The following ZNF131 variants were observed in gnomAD, a reference collection of about 807,000 sequenced individuals.
ZNF131 encodes zinc finger and BTB domain containing 35.
Under a neutral mutation model 60.0 loss-of-function variants are expected in ZNF131, and 7 were observed. The observed-to-expected ratio is 0.12, with a 90% CI of 0.07 to 0.22. The LOEUF (loss-of-function observed/expected upper bound fraction) is 0.22. Among genes scored for constraint, ZNF131 ranks in the 10% least tolerant of loss-of-function variants. The pLI, the probability that ZNF131 is intolerant of heterozygous loss-of-function variation, is 1.00. For missense variants in ZNF131, 493 were observed against 740.9 expected (o/e 0.67, Z 3.88); for synonymous variants, 257 against 253.2 (o/e 1.01, Z -0.14).
At chr5:43,123,458 T>G in intron 3 of ZNF131, 148 bp downstream of exon 3, 1 of 561,780 alleles carries the variant, frequency 1.8e-6, no homozygotes, top group South Asian at 2.9e-5. Flanking sequence ...CATCAGTAGT[T>G]CCTGTAGGTA....
chr5:43,133,099 A>C (rs1197498971), intron 3 of ZNF131, among the ~76,000 whole-genome samples: 1 of 152,214 alleles, frequency 6.6e-6, no homozygotes, highest in Non-Finnish European at 1.5e-5. Flanking sequence ...AGATATAAAG[A>C]AACAGTATCA....
At chr5:43,136,476 CTTTTTTTTTTT>C (rs70991484) in intron 3 of ZNF131, among the ~76,000 whole-genome samples, 17,586 of 70,710 alleles carry the variant, frequency 0.25, 1,687 homozygotes, top group Non-Finnish European at 0.31. Context: ...AGGCATCATA[CTTTTTTTTTTT>C]TTTTTTTTTT....
intron 3 of ZNF131, among the ~76,000 whole-genome samples, chr5:43,128,527 G>T (rs934224494): frequency 6.6e-6 from 1 of 152,006 alleles, no homozygotes; most frequent in African/African-American, 2.4e-5. Flanking sequence ...CATGGTGGTG[G>T]GCACCTGTAG....
chr5:43,158,064 G>A (rs1749174927), intron 4 of ZNF131, among the ~76,000 whole-genome samples: 1 of 152,164 alleles, frequency 6.6e-6, no homozygotes, highest in Non-Finnish European at 1.5e-5. Context: ...CACCTTCTGG[G>A]TTCAAGCGAT....
intron 3 of ZNF131, among the ~76,000 whole-genome samples, chr5:43,130,447 A>T (rs1745194917): frequency 6.6e-6 from 1 of 152,118 alleles, no homozygotes; most frequent in Non-Finnish European, 1.5e-5. Flanking sequence ...TTTCTTTGAT[A>T]ACTTTCTTCT....
intron 5 of ZNF131, among the ~76,000 whole-genome samples, chr5:43,163,670 G>T (rs1047781539): frequency 2.6e-5 from 4 of 152,228 alleles, no homozygotes; most frequent in Non-Finnish European, 5.9e-5. Context: ...TATTACAAGG[G>T]TATGGAGAGA....
rs781592759 is a variant in ZNF131, at chr5:43,161,582, T to G, written c.705T>G (p.Cys235Trp). The G allele has an allele frequency of 1.2e-6, 2 of 1,614,278 alleles. No homozygotes were observed. The highest frequency in any genetic ancestry group is 1.7e-6 in the Non-Finnish European group (2 of 1,180,046). ...AAGGGCAGATTAAAGAAGATGGCTG[T>G]CCATCTGACCCCACGAGCAAACAGG... ...DRKGQIKEDG[C>W]PSDPTSKQVE... Residue 235 changes from cysteine (C) to tryptophan (W), a missense_variant, in exon 5 of 7, where the codon TGT becomes TGG. Around this residue, in one of 7 missense-constraint regions of ZNF131, gnomAD observed 138 missense variants for 158.7 expected, o/e 0.87. Transcript: ENST00000682664.
intron 4 of ZNF131, among the ~76,000 whole-genome samples, chr5:43,146,867 T>C (rs1348737619): frequency 6.6e-6 from 1 of 151,998 alleles, no homozygotes; most frequent in Non-Finnish European, 1.5e-5. Context: ...GATCACGCCA[T>C]TGCATTCCAA....
At chr5:43,140,247 A>G (rs1338122617) in intron 4 of ZNF131, among the ~76,000 whole-genome samples, 1 of 152,176 alleles carries the variant, frequency 6.6e-6, no homozygotes, top group East Asian at 1.9e-4. Context: ...GAAAACGTGA[A>G]AGGATATAAT....
At chr5:43,128,497 TAC>T (rs1744848668) in intron 3 of ZNF131, among the ~76,000 whole-genome samples, 1 of 151,210 alleles carries the variant, frequency 6.6e-6, no homozygotes, top group African/African-American at 2.4e-5. Context: ...CTACTAAAAA[TAC>T]AAAAAAAATT....
At chr5:43,159,522 C>T (rs933503917) in intron 4 of ZNF131, among the ~76,000 whole-genome samples, 14 of 151,788 alleles carry the variant, frequency 9.2e-5, no homozygotes, top group African/African-American at 2.4e-4. Flanking sequence ...GGTGAGACCC[C>T]GTCTCTACTA....
chr5:43,129,314 C>T (rs981612153), intron 3 of ZNF131, among the ~76,000 whole-genome samples: 1 of 152,078 alleles, frequency 6.6e-6, no homozygotes, highest in Non-Finnish European at 1.5e-5. Context: ...TTAAGCAATG[C>T]TCCTGCCTTG....
At chr5:43,124,365 C>G (rs1358632370) in intron 3 of ZNF131, 1 of 152,128 alleles carries the variant, frequency 6.6e-6, no homozygotes, top group Non-Finnish European at 1.5e-5. Context: ...GGTTTTATAT[C>G]TATTTCATTG....
At chr5:43,171,704 C>T (rs1751014183) in intron 5 of ZNF131, among the ~76,000 whole-genome samples, 1 of 152,178 alleles carries the variant, frequency 6.6e-6, no homozygotes, top group South Asian at 2.1e-4. Context: ...CCTACTGCAA[C>T]TTCTGCCTCA....
chr5:43,171,214 C>T (rs954177707), intron 5 of ZNF131, among the ~76,000 whole-genome samples: 5 of 152,146 alleles, frequency 3.3e-5, no homozygotes, highest in African/African-American at 1.2e-4. Context: ...TCCCAAAGTG[C>T]TAGGATCACA....
intron 3 of ZNF131, among the ~76,000 whole-genome samples, chr5:43,129,798 G>A (rs1211214079): frequency 6.6e-6 from 1 of 152,102 alleles, no homozygotes; most frequent in African/African-American, 2.4e-5. Context: ...GGGATTACAG[G>A]TGCGTGCCAC....
At position 43,161,522 on chromosome 5, in the gene ZNF131, A is replaced by G; in HGVS notation, c.645A>G (p.Ala215=). The change falls in exon 5 of 7, where the codon GCA becomes GCG. Residue 215 remains alanine (A), a synonymous_variant. Transcript: ENST00000682664. ...ATGATTCTGCTCTAGCACTGTTGGC[A>G]GATATTACCAGCAAGTACCGTCAAG... is the stretch of plus-strand genomic sequence containing the variant. ...SSDDSALALL[A]DITSKYRQGD... is the part of the protein sequence containing the mutation. The G allele has an allele frequency of 6.2e-7, 1 of 1,614,278 alleles. No homozygotes were observed. The highest frequency in any genetic ancestry group is 8.5e-7 in the Non-Finnish European group (1 of 1,180,048).
chr5:43,149,833 A>G (rs1748077748), intron 4 of ZNF131, among the ~76,000 whole-genome samples: 1 of 151,964 alleles, frequency 6.6e-6, no homozygotes, highest in South Asian at 2.1e-4. Context: ...ATTCTTTGGC[A>G]AGGTGCCTGA....
chr5:43,127,050 A>C (rs904804556), intron 3 of ZNF131, among the ~76,000 whole-genome samples: 22 of 152,146 alleles, frequency 1.4e-4, no homozygotes, highest in African/African-American at 4.3e-4. Flanking sequence ...TTCTCTCGCC[A>C]GTCTGCTTGC....
Sources: allele counts gnomAD v4.1 joint callset (sites outside exome capture counted in the v4.1 genomes callset), GRCh38; gene constraint gnomAD v4.1.1; regional missense constraint gnomAD v4.1.1; transcripts MANE v1.5; gene names NCBI Gene and HGNC (gene_info 2026-07-23, HGNC 2026-07-21).